The following MYH15 variants were observed in gnomAD, a reference collection of about 807,000 sequenced individuals.
MYH15 encodes the protein myosin heavy chain 15.
Under a neutral mutation model 240.5 loss-of-function variants are expected in MYH15, and 227 were observed. That is an observed-to-expected ratio of 0.94 (90% confidence interval 0.85 to 1.05). The LOEUF (loss-of-function observed/expected upper bound fraction) is 1.05. MYH15 is among the 50% of genes least tolerant of loss of function. The probability of loss-of-function intolerance (pLI) is 0.00; values close to 1 mark genes in which losing one functional copy is unlikely to be tolerated. For missense variants in MYH15, 2,217 were observed against 2,247.5 expected, an observed-to-expected ratio of 0.99 and a Z score of 0.27; for synonymous variants, 785 against 796.7, an observed-to-expected ratio of 0.99 and a Z score of 0.25.
At chr3:108,533,118 C>A (rs77700468), upstream of MYH15, among the ~76,000 whole-genome samples, 4 of 97,672 alleles carry the variant, frequency 4.1e-5, no homozygotes, top group African/African-American at 1.5e-4. Context: ...ACAATAAAAG[C>A]TTTTTTTTTT....
rs559306620 is a variant in MYH15 at position 108,421,527 on chromosome 3, A to T, written c.3703-313T>A. 7.9e-5 allele frequency among the ~76,000 whole-genome samples: 12 copies of T among 152,362 alleles called. 1 individual carries two copies. The South Asian group carries it at 2.5e-3, about 32-fold the overall frequency. On this transcript the variant is annotated intron_variant, in intron 27 of 40. Transcript: ENST00000693548. Reference sequence around the variant, plus strand: ...AACATGTCAAACGCTAATGAGATACATGATCCTTTTCTGACAGTACATATT... The same window carrying T: ...AACATGTCAAACGCTAATGAGATACTTGATCCTTTTCTGACAGTACATATT...
chr3:108,431,711 A>C (rs755863631), intron 25 of MYH15, among the ~76,000 whole-genome samples: 3 of 152,224 alleles, frequency 2.0e-5, no homozygotes, highest in African/African-American at 4.8e-5. Flanking sequence ...GGAACTGGGT[A>C]ATAGGCAGAG....
In MYH15 at chr3:108,428,879, A is replaced by T. The variant is rs2082751790; in HGVS notation, c.3315T>A (p.Thr1105=). 1 of 1,596,392 alleles carries T rather than the reference A, an allele frequency of 6.3e-7. No individual in the cohort carries two copies. The change falls in exon 27 of 41, where the codon ACT becomes ACA. Residue 1105 remains threonine (T), a splice_region_variant and synonymous_variant. Coordinates refer to ENST00000693548, the MANE Select transcript of MYH15 (RefSeq NM_014981.3). ...QLQKTVKELQ[T]QIKDLKEKLE... is the part of the protein sequence containing the mutation. ...GTTTCTCTTTCAAATCCTTTATTTGAGTCTGTAGCAAGAAATAATTTTGAC... is the reference window on the plus strand; with the variant it reads ...GTTTCTCTTTCAAATCCTTTATTTGTGTCTGTAGCAAGAAATAATTTTGAC...
chr3:108,505,751 G>C lies in MYH15; in HGVS notation c.167C>G (p.Thr56Arg). 1 of 1,610,132 alleles carries C rather than the reference G, an allele frequency of 6.2e-7. No homozygotes were observed. Among genetic ancestry groups the C allele is most frequent in the Non-Finnish European group, 8.5e-7 (1 of 1,178,620 alleles). Residue 56 changes from threonine (T) to arginine (R), a missense_variant, in exon 2 of 41, where the codon ACA becomes AGA. Physicochemically the swap from Thr to Arg is moderately conservative, Grantham distance 71 (BLOSUM62 -1). Transcript: ENST00000693548. The stretch of plus-strand genomic sequence containing the variant: ...TCCATCTGCTGTCTCAACAATTACT[G>C]TTCCATCATCTTCACTCCCTTTTAC... ...AEVKGSEDDGTVIVETADGES... is the reference protein window; with the variant it reads ...AEVKGSEDDGRVIVETADGES...
intron 11 of MYH15, among the ~76,000 whole-genome samples, chr3:108,480,732 A>C (rs997405560): frequency 3.3e-5 from 5 of 152,204 alleles, no homozygotes; most frequent in African/African-American, 1.2e-4. Flanking sequence ...TAGAAATGCC[A>C]ATAGGAAGAC....
upstream of MYH15, among the ~76,000 whole-genome samples, chr3:108,514,968 G>A: frequency 6.6e-6 from 1 of 151,952 alleles, no homozygotes; most frequent in South Asian, 2.1e-4. Context: ...AACTTTTATT[G>A]ATAATTAATT....
chr3:108,537,634 G>T, the MYH15 span, among the ~76,000 whole-genome samples: 1 of 152,154 alleles, frequency 6.6e-6, no homozygotes, highest in Non-Finnish European at 1.5e-5. Flanking sequence ...TGAACCTGTT[G>T]GCACTTTGAT....
chr3:108,434,158 A>C (rs2082809026), intron 25 of MYH15, among the ~76,000 whole-genome samples: 2 of 147,784 alleles, frequency 1.4e-5, no homozygotes, highest in Admixed American at 6.8e-5. Flanking sequence ...TGTTGTATTT[A>C]ATATTTTAAA....
At chr3:108,455,251 T>C (rs2083008761) in intron 20 of MYH15, among the ~76,000 whole-genome samples, 1 of 152,214 alleles carries the variant, frequency 6.6e-6, no homozygotes, top group South Asian at 2.1e-4. Flanking sequence ...AAGTAGAATT[T>C]AGGGAATCAC....
chr3:108,525,479 T>C (rs1486797212), intron 1 of MYH15, among the ~76,000 whole-genome samples: 1 of 152,096 alleles, frequency 6.6e-6, no homozygotes, highest in Non-Finnish European at 1.5e-5. Context: ...ATTGCTCAGT[T>C]TCATTAATTG....
chr3:108,409,371 C>T (rs913375731), intron 31 of MYH15, among the ~76,000 whole-genome samples: 1 of 152,174 alleles, frequency 6.6e-6, no homozygotes, highest in African/African-American at 2.4e-5. Flanking sequence ...CCGCCCCAGT[C>T]CAAAGGTGGT....
Position 108,470,637 on chromosome 3 carries a change from G to T in MYH15, c.1383+61C>A. On this transcript the variant is annotated intron_variant, in intron 13 of 40. Transcript: ENST00000693548. ...TTTGACCATATTTTCCCATCTTCAA[G>T]TAACGTTTTCTAATCTTCTTATAAA... The T allele has an allele frequency of 1.9e-6, 3 of 1,568,052 alleles. No homozygotes were observed. In the South Asian group the frequency reaches 3.5e-5, roughly 18 times the overall value.
chr3:108,526,854 TG>T (rs2083676413), intron 1 of MYH15, among the ~76,000 whole-genome samples: 1 of 152,138 alleles, frequency 6.6e-6, no homozygotes, highest in African/African-American at 2.4e-5. Context: ...ACTGGTGTTT[TG>T]GTTGACTTAT....
chr3:108,437,502 C>T (rs2082848954), intron 25 of MYH15, 52 bp downstream of exon 25: 2 of 1,566,362 alleles, frequency 1.3e-6, no homozygotes, highest in African/African-American at 2.7e-5. Context: ...GAAAGCTGTT[C>T]CTTCTAATAT....
chr3:108,511,867 G>C (rs756645888), upstream of MYH15, among the ~76,000 whole-genome samples: 1 of 152,206 alleles, frequency 6.6e-6, no homozygotes, highest in Admixed American at 6.5e-5. Flanking sequence ...GATAGGTATA[G>C]TGATACCACT....
chr3:108,540,290 AGT>A, the MYH15 span, among the ~76,000 whole-genome samples: 1 of 152,334 alleles, frequency 6.6e-6, no homozygotes, highest in African/African-American at 2.4e-5. Context: ...CCAAGTGGAA[AGT>A]TTAAAAGTCA....
intron 21 of MYH15, among the ~76,000 whole-genome samples, chr3:108,453,484 A>G (rs1350322047): frequency 1.3e-5 from 2 of 152,238 alleles, no homozygotes; most frequent in Non-Finnish European, 2.9e-5. Context: ...CTATTAAACA[A>G]TAGACAAAAC....
At chr3:108,422,196 A>G (rs932100240) in intron 27 of MYH15, among the ~76,000 whole-genome samples, 7 of 151,058 alleles carry the variant, frequency 4.6e-5, no homozygotes, top group Non-Finnish European at 1.0e-4. Context: ...GATGAAACTC[A>G]TGTATAAATT....
chr3:108,425,875 G>A (rs1259181978), intron 27 of MYH15, among the ~76,000 whole-genome samples: 1 of 152,204 alleles, frequency 6.6e-6, no homozygotes, highest in African/African-American at 2.4e-5. Flanking sequence ...GACAGTAAAG[G>A]CAATTCTGCT....
Sources: gnomAD v4.1 joint callset for allele counts (sites outside exome capture counted in the v4.1 genomes callset) on GRCh38, gnomAD v4.1.1 for gene constraint, MANE v1.5 for transcripts, NCBI Gene and HGNC (gene_info 2026-07-23, HGNC 2026-07-21) for gene names.